CCDC141: variants seen among roughly 807,000 people sequenced by gnomAD.
CCDC141 encodes coiled-coil domain-containing protein 141.
Under a neutral mutation model 181.0 loss-of-function variants are expected in CCDC141, and 168 were observed. That is an observed-to-expected ratio of 0.93 (90% confidence interval 0.82 to 1.05). The LOEUF (loss-of-function observed/expected upper bound fraction) is 1.05. CCDC141 is among the 50% of genes least tolerant of loss of function. The probability of loss-of-function intolerance (pLI) is 0.00; values close to 1 mark genes in which losing one functional copy is unlikely to be tolerated. For missense variants in CCDC141, 1,902 were observed against 1,788.5 expected, an observed-to-expected ratio of 1.06 and a Z score of -1.14; for synonymous variants, 666 against 642.3, an observed-to-expected ratio of 1.04 and a Z score of -0.56.
chr2:178,929,276 C>T (rs79951662), intron 6 of CCDC141, among the ~76,000 whole-genome samples: 2,886 of 152,236 alleles, frequency 0.019, 86 homozygotes, highest in East Asian at 0.13. Context: ...AATTTTTTCA[C>T]ATACCTTTGG....
At chr2:178,968,150 AC>A (rs1324128115) in intron 4 of CCDC141, among the ~76,000 whole-genome samples, 2 of 152,170 alleles carry the variant, frequency 1.3e-5, no homozygotes, top group African/African-American at 4.8e-5. Context: ...ACACTTTAAC[AC>A]CCCACTGTCA....
intron 20 of CCDC141, among the ~76,000 whole-genome samples, chr2:178,852,227 A>G (rs1685194733): frequency 6.6e-6 from 1 of 152,230 alleles, no homozygotes. Flanking sequence ...CAGGACGGGA[A>G]GGGAATTTAA....
intron 11 of CCDC141, among the ~76,000 whole-genome samples, chr2:178,884,508 G>T (rs1188125446): frequency 6.6e-6 from 1 of 152,162 alleles, no homozygotes; most frequent in Non-Finnish European, 1.5e-5. Context: ...CATGTAAAAT[G>T]TAGATTTGCT....
intron 22 of CCDC141, among the ~76,000 whole-genome samples, chr2:178,844,861 A>G (rs1383716040): frequency 2.6e-5 from 4 of 152,200 alleles, no homozygotes; most frequent in Non-Finnish European, 1.5e-5. Context: ...TCCTCAGGAG[A>G]GAAACACTGG....
At chr2:178,975,229 G>T in intron 3 of CCDC141, 64 bp from the exon 4 acceptor site, 1 of 806,066 alleles carries the variant, frequency 1.2e-6, no homozygotes, top group Non-Finnish European at 2.0e-6. Context: ...GCCATTGTTA[G>T]TTACCTGGAG....
At chr2:178,926,026 A>T (rs754853816) in intron 6 of CCDC141, among the ~76,000 whole-genome samples, 18 of 152,050 alleles carry the variant, frequency 1.2e-4, no homozygotes, top group Non-Finnish European at 2.6e-4. Flanking sequence ...TCAAATATAG[A>T]CTTTTTTAAA....
chr2:178,857,059 A>C (rs1685419313), intron 17 of CCDC141, among the ~76,000 whole-genome samples: 1 of 152,248 alleles, frequency 6.6e-6, no homozygotes, highest in Admixed American at 6.5e-5. Context: ...AATTTCTCAC[A>C]TATCATACAT....
chr2:178,929,245 T>A (rs1689012874), intron 6 of CCDC141, among the ~76,000 whole-genome samples: 1 of 152,222 alleles, frequency 6.6e-6, no homozygotes, highest in Non-Finnish European at 1.5e-5. Flanking sequence ...ACTGAAGCAA[T>A]ATATTTTATA....
intron 2 of CCDC141, among the ~76,000 whole-genome samples, chr2:179,035,085 T>C (rs1365890743): frequency 6.6e-6 from 1 of 152,130 alleles, no homozygotes; most frequent in Admixed American, 6.6e-5. Flanking sequence ...ATACCCATAA[T>C]AGTTTGTGTA....
chr2:179,012,851 T>G (rs2042309424), intron 2 of CCDC141, among the ~76,000 whole-genome samples: 2 of 151,992 alleles, frequency 1.3e-5, no homozygotes, highest in South Asian at 4.2e-4. Context: ...GTAAACAGAA[T>G]TAAAAGCAAA....
chr2:178,969,333 G>A (rs1341514333), intron 4 of CCDC141, among the ~76,000 whole-genome samples: 1 of 151,650 alleles, frequency 6.6e-6, no homozygotes, highest in Non-Finnish European at 1.5e-5. Flanking sequence ...GCCCACAAAT[G>A]GGACCTAATA....
chr2:178,897,203 C>G (rs1687452711), intron 8 of CCDC141, among the ~76,000 whole-genome samples: 2 of 152,146 alleles, frequency 1.3e-5, no homozygotes, highest in Admixed American at 1.3e-4. Context: ...TTTGATTTAT[C>G]TGTTGGCTAT....
chr2:178,946,288 C>T (rs1306662028), intron 5 of CCDC141, among the ~76,000 whole-genome samples: 5 of 151,900 alleles, frequency 3.3e-5, no homozygotes, highest in Non-Finnish European at 5.9e-5. Context: ...GTACAATGTG[C>T]CTATGAAAAC....
the CCDC141 span, among the ~76,000 whole-genome samples, chr2:178,821,024 G>A: frequency 6.6e-6 from 1 of 152,014 alleles, no homozygotes; most frequent in South Asian, 2.1e-4. Context: ...GTTAAACTAG[G>A]TTTGCATTTG....
intron 5 of CCDC141, among the ~76,000 whole-genome samples, chr2:178,953,708 A>G (rs1690049141): frequency 1.3e-5 from 2 of 152,202 alleles, no homozygotes; most frequent in Admixed American, 6.5e-5. Context: ...TTCCAAAGCA[A>G]TAGATAAGAA....
rs1027071200 is a variant in CCDC141, at chr2:179,029,166, C to T, written c.225+18118G>A. On this transcript the variant is annotated intron_variant, in intron 2 of 23. Transcript: ENST00000443758. ...ATGCCAGTCTGATTCCTAATCTTTA[C>T]CCATCACTTCTTTTGAGATCCAAAT... 2.0e-5 allele frequency among the ~76,000 whole-genome samples: 3 copies of T among 152,286 alleles called. No homozygotes were observed. In the South Asian group the frequency reaches 6.2e-4, roughly 32 times the overall value.
chr2:179,022,824 A>C (rs1168944703), intron 2 of CCDC141, among the ~76,000 whole-genome samples: 1 of 152,296 alleles, frequency 6.6e-6, no homozygotes, highest in East Asian at 1.9e-4. Flanking sequence ...CACAGTAGAC[A>C]GGGAAGCTAG....
chr2:178,984,858 T>A (rs371733063), intron 2 of CCDC141, among the ~76,000 whole-genome samples: 15 of 148,842 alleles, frequency 1.0e-4, no homozygotes, highest in South Asian at 2.1e-4. Flanking sequence ...CTCCCACACA[T>A]TAATAATGGG....
intron 8 of CCDC141, among the ~76,000 whole-genome samples, chr2:178,903,006 G>T (rs77043021): frequency 5.5e-5 from 8 of 144,674 alleles, no homozygotes; most frequent in African/African-American, 1.5e-4. Flanking sequence ...ACATGAAAAA[G>T]TGCTCACCAT....
Sources: gnomAD v4.1 joint callset for allele counts (sites outside exome capture counted in the v4.1 genomes callset) on GRCh38, gnomAD v4.1.1 for gene constraint, MANE v1.5 for transcripts, NCBI Gene and HGNC (gene_info 2026-07-23, HGNC 2026-07-21) for gene names.